RNF25: variants seen among roughly 807,000 people sequenced by gnomAD.
RNF25 encodes the protein E3 ubiquitin-protein ligase RNF25.
A neutral mutation model predicts 65.0 loss-of-function variants in RNF25; 32 were observed. The ratio of observed to expected loss-of-function variants is 0.49; its 90% CI spans 0.37 to 0.66. The LOEUF (loss-of-function observed/expected upper bound fraction) is 0.66, where lower values mean the gene tolerates loss of function less well. Ranked by LOEUF, RNF25 falls within the 30% of genes least tolerant of loss-of-function variation. RNF25 has a pLI of 0.00. For synonymous variants in RNF25, 207 were observed against 221.2 expected, an observed-to-expected ratio of 0.94 and a Z score of 0.57; for missense variants, 493 against 584.8, an observed-to-expected ratio of 0.84 and a Z score of 1.62.
At chr2:218,668,401 G>C in intron 2 of RNF25, 60 bp from the exon 3 acceptor site, 1 of 1,161,948 alleles carries the variant, frequency 8.6e-7, no homozygotes, top group Non-Finnish European at 1.3e-6. Context: ...GGGCTGGGGA[G>C]GATGGGGCTG....
At chr2:218,666,818 CTCTT>C (rs1939834670) in intron 5 of RNF25, among the ~76,000 whole-genome samples, 1 of 152,242 alleles carries the variant, frequency 6.6e-6, no homozygotes. Context: ...CAAACCCACT[CTCTT>C]TGACTCTCAG....
At chr2:218,669,166 G>T (rs886380506) in intron 1 of RNF25, among the ~76,000 whole-genome samples, 2 of 152,224 alleles carry the variant, frequency 1.3e-5, no homozygotes, top group Non-Finnish European at 2.9e-5. Context: ...CCTTCTTAAA[G>T]GAGATAGCAA....
At chr2:218,667,858 G>T in intron 5 of RNF25, 54 bp downstream of exon 5, 1 of 1,547,668 alleles carries the variant, frequency 6.5e-7, no homozygotes, top group Non-Finnish European at 8.9e-7. Flanking sequence ...TTTACAGCTA[G>T]AAACTGCTCT....
chr2:218,668,055 CCT>C (rs1939872041), intron 4 of RNF25, 22 bp downstream of exon 4: 2 of 1,613,338 alleles, frequency 1.2e-6, no homozygotes, highest in Non-Finnish European at 1.7e-6. Flanking sequence ...CTGAGTTTTC[CCT>C]GTTCTGACAG....
chr2:218,664,871 C>A lies in RNF25; in HGVS notation c.669G>T (p.Glu223Asp), dbSNP rs756711856. ...KAAPEPQQPMELYQPSAESLR... is the reference protein window; with the variant it reads ...KAAPEPQQPMDLYQPSAESLR... ...AGCTCTCTGCACTGGGCTGGTACAGCTCCTGGAAGGAAGAATGGCAGAGAG... is the reference window on the plus strand; with the variant it reads ...AGCTCTCTGCACTGGGCTGGTACAGATCCTGGAAGGAAGAATGGCAGAGAG... Residue 223 changes from glutamate (E) to aspartate (D), a missense_variant and splice_region_variant, in exon 9 of 10, where the codon GAG (glutamate) becomes GAT (aspartate). This residue lies in a region of RNF25 where 351 missense variants were observed against 400.2 expected (regional missense o/e 0.88). Coordinates refer to ENST00000295704, the MANE Select transcript of RNF25 (RefSeq NM_022453.3). This position sits in a 1 kb window ranked among gnomAD's most constrained non-coding sequence, Gnocchi z 5.1. 5.0e-6 allele frequency: 8 copies of A among 1,614,152 alleles called. No homozygotes were observed. The highest frequency in any genetic ancestry group is 6.8e-6 in the Non-Finnish European group (8 of 1,180,020).
intron 1 of RNF25, among the ~76,000 whole-genome samples, chr2:218,670,129 G>A (rs547389241): frequency 6.6e-6 from 1 of 151,654 alleles, no homozygotes; most frequent in African/African-American, 2.4e-5. Flanking sequence ...AGCCCAGGAG[G>A]TCGAGGCTGT....
At chr2:218,669,460 T>G (rs1236818058) in intron 1 of RNF25, among the ~76,000 whole-genome samples, 1 of 152,124 alleles carries the variant, frequency 6.6e-6, no homozygotes, top group Non-Finnish European at 1.5e-5. Context: ...TATATAACCT[T>G]CTCCCTTAGA....
At position 218,664,466 on chromosome 2, in the gene RNF25, C is replaced by T. The variant is rs1939774172; in HGVS notation, c.871G>A (p.Ala291Thr). 6.2e-6 allele frequency: 10 copies of T among 1,614,128 alleles called. No individual in the cohort carries two copies. The highest frequency in any genetic ancestry group is 8.5e-6 in the Non-Finnish European group (10 of 1,180,024). Residue 291 changes from alanine (A) to threonine (T), a missense_variant, in exon 10 of 10, where the codon GCA becomes ACA. Coordinates refer to ENST00000295704, the MANE Select transcript of RNF25 (RefSeq NM_022453.3). This position sits in a 1 kb window ranked among gnomAD's most constrained non-coding sequence, Gnocchi z 5.1. ...SKGSQPPSTL[A>T]AELSTSPAVQ... ...GCTGGTGAGGTGGATAGTTCTGCTG[C>T]AAGGGTGCTGGGTGGTTGGGATCCT...
chr2:218,666,287 C>T (rs573986302), intron 5 of RNF25, 57 bp from the exon 6 acceptor site: 1 of 1,370,838 alleles, frequency 7.3e-7, no homozygotes, highest in African/African-American at 1.4e-5. Context: ...TGAGCAAGGC[C>T]TGTCTACTAC....
rs1340890355 is a variant in RNF25 at position 218,668,119 on chromosome 2, T to C, written c.247A>G (p.Ile83Val). ...EYPHEVPQIS[I>V]RNPRGLSDEQ... is the part of the protein sequence containing the mutation. ...TCTGAAAGTCCTCGGGGATTTCGGA[T>C]AGAGATCTGTGGCACCTCATGGGGA... Residue 83 changes from isoleucine to valine, a missense_variant, in exon 4 of 10, where the codon ATC (isoleucine) becomes GTC (valine). By Grantham distance (29) the Ile-to-Val change is conservative. Around this residue, in one of 3 missense-constraint regions of RNF25, gnomAD observed 108 missense variants for 166.0 expected, o/e 0.65. Transcript: ENST00000295704. The C allele has an allele frequency of 6.2e-7, 1 of 1,614,190 alleles. No homozygotes were observed. Among genetic ancestry groups the C allele is most frequent in the South Asian group, 1.1e-5 (1 of 91,086 alleles).
chr2:218,667,680 A>T (rs1939848905), intron 5 of RNF25, among the ~76,000 whole-genome samples: 1 of 152,238 alleles, frequency 6.6e-6, no homozygotes, highest in Admixed American at 6.5e-5. Flanking sequence ...TTCAAGGTGA[A>T]GAGGAAAAGT....
In RNF25 at chr2:218,665,675, G is replaced by A. The variant is rs529287450; in HGVS notation, c.573+241C>T. Among the ~76,000 whole-genome samples the A allele has an allele frequency of 2.7e-3, 406 of 151,924 alleles. 2 individuals are homozygous for A. Among genetic ancestry groups the A allele is most frequent in the African/African-American group, 8.7e-3 (361 of 41,392 alleles). Reference sequence around the variant, plus strand: ...GAAGGATTGCTTGAACCCAGGAGGCGGAGGTTGCAGTGAGCCAAGATTGTG... The same window carrying A: ...GAAGGATTGCTTGAACCCAGGAGGCAGAGGTTGCAGTGAGCCAAGATTGTG... On this transcript the variant is annotated intron_variant, in intron 7 of 9. Transcript: ENST00000295704.
rs1460746629 is a variant in RNF25, at chr2:218,664,167, A to G, written c.1170T>C (p.His390=). The change falls in exon 10 of 10, where the codon CAT becomes CAC. Residue 390 remains histidine, a synonymous_variant. Coordinates refer to ENST00000295704, the MANE Select transcript of RNF25 (RefSeq NM_022453.3). This position sits in a 1 kb window ranked among gnomAD's most constrained non-coding sequence, Gnocchi z 5.1. The part of the protein sequence containing the change: ...KEPMDLKPEP[H]SQGVEGPPQE... ...GTGGAGGACCTTCAACTCCTTGGCT[A>G]TGGGGTTCTGGCTTTAGGTCCATGG... 1 of 1,563,286 alleles carries G rather than the reference A, an allele frequency of 6.4e-7. No homozygotes were observed. Among genetic ancestry groups the G allele is most frequent in the Non-Finnish European group, 8.6e-7 (1 of 1,159,020 alleles).
chr2:218,665,613 C>T (rs112387516), intron 7 of RNF25, among the ~76,000 whole-genome samples: 2 of 151,952 alleles, frequency 1.3e-5, no homozygotes, highest in African/African-American at 4.8e-5. Flanking sequence ...CGTGGTGGCT[C>T]GCACCTATAA....
Position 218,664,249 on chromosome 2 carries a change from G to A in RNF25, c.1088C>T (p.Pro363Leu), listed in dbSNP as rs763506721. ...TTCCTGGGTGTCACGGGTACCTTTA[G>A]GGGCGTGGCACTCCCCTCCCTTTGG... ...RHPKGGECHA[P>L]KGTRDTQELP... Residue 363 changes from proline to leucine, a missense_variant, in exon 10 of 10, where the codon CCT (proline) becomes CTT (leucine). By Grantham distance (98) the Pro-to-Leu change is moderately conservative. Coordinates refer to ENST00000295704, the MANE Select transcript of RNF25 (RefSeq NM_022453.3). The surrounding 1 kb of genome is among the most constrained non-coding windows in gnomAD (Gnocchi z 5.1). 3 of 1,604,090 alleles carry A rather than the reference G, an allele frequency of 1.9e-6. No homozygotes were observed. The highest frequency in any genetic ancestry group is 1.7e-5 in the Admixed American group (1 of 59,126).
At chr2:218,665,291 G>GC in intron 7 of RNF25, 44 bp from the exon 8 acceptor site, 1 of 1,563,434 alleles carries the variant, frequency 6.4e-7, no homozygotes, top group South Asian at 1.1e-5. Context: ...AGCCCAGGAT[G>GC]CCCCCTGGTG....
chr2:218,668,488 A>T, intron 2 of RNF25, 117 bp downstream of exon 2: 2 of 990,700 alleles, frequency 2.0e-6, no homozygotes, highest in Non-Finnish European at 3.2e-6. Context: ...GCTTTTGTCT[A>T]CACAAGAGAA....
At chr2:218,671,704 A>G (rs1939979575) in intron 1 of RNF25, among the ~76,000 whole-genome samples, 1 of 152,188 alleles carries the variant, frequency 6.6e-6, no homozygotes, top group Non-Finnish European at 1.5e-5. Context: ...GGATGCGGCG[A>G]GGCCTGAACT....
chr2:218,669,467 T>C (rs1465874214), intron 1 of RNF25, among the ~76,000 whole-genome samples: 2 of 152,178 alleles, frequency 1.3e-5, no homozygotes, highest in African/African-American at 2.4e-5. Context: ...CCTTCTCCCT[T>C]AGAAGGAAAG....
Sources: gnomAD v4.1 joint callset for allele counts (sites outside exome capture counted in the v4.1 genomes callset) on GRCh38, gnomAD v4.1.1 for gene constraint, gnomAD v4.1.1 regional missense constraint, Gnocchi (gnomAD v3.1) non-coding constraint, MANE v1.5 for transcripts, NCBI Gene and HGNC (gene_info 2026-07-23, HGNC 2026-07-21) for gene names.